Variants in FAM117A observed in about 807,000 individuals in gnomAD.
The protein encoded by FAM117A is protein FAM117A.
Under a neutral mutation model 44.1 loss-of-function variants are expected in FAM117A, and 21 were observed. The ratio of observed to expected loss-of-function variants is 0.48; its 90% CI spans 0.34 to 0.69. FAM117A has a LOEUF of 0.69. Ranked by LOEUF, FAM117A falls within the 30% of genes least tolerant of loss-of-function variation. The probability of loss-of-function intolerance (pLI) is 0.01; values close to 1 mark genes in which losing one functional copy is unlikely to be tolerated. For synonymous variants in FAM117A, 220 were observed against 238.3 expected (o/e 0.92, Z 0.71); for missense variants, 498 against 589.9 (o/e 0.84, Z 1.61).
chr17:49,732,230 A>G (rs1214681544), intron 2 of FAM117A: 1 of 200,608 alleles, frequency 5.0e-6, no homozygotes, highest in Non-Finnish European at 1.0e-5. Context: ...TTTCCATATA[A>G]GTTTACAAAG....
chr17:49,724,954 C>T (rs2073553300), intron 2 of FAM117A, among the ~76,000 whole-genome samples: 1 of 152,158 alleles, frequency 6.6e-6, no homozygotes, highest in African/African-American at 2.4e-5. Context: ...CGCTCAGCAA[C>T]GTCTTCCACC....
intron 1 of FAM117A, among the ~76,000 whole-genome samples, chr17:49,733,806 G>A (rs1021394712): frequency 6.6e-6 from 1 of 152,058 alleles, no homozygotes; most frequent in African/African-American, 2.4e-5. Context: ...AATCATCTAA[G>A]TTGACCCTGT....
intron 1 of FAM117A, among the ~76,000 whole-genome samples, chr17:49,736,414 G>A (rs1020146442): frequency 1.3e-5 from 2 of 151,866 alleles, no homozygotes; most frequent in Admixed American, 6.6e-5. Flanking sequence ...CCACCACCAT[G>A]CCCGGCTAAT....
intron 1 of FAM117A, among the ~76,000 whole-genome samples, chr17:49,782,689 C>CAAAAA (rs74562078): frequency 1.8e-5 from 1 of 56,176 alleles, no homozygotes; most frequent in Non-Finnish European, 4.3e-5. Flanking sequence ...GACTTTGTCT[C>CAAAAA]AAAAAAAAAA....
chr17:49,740,498 C>T (rs1244000525), intron 1 of FAM117A, among the ~76,000 whole-genome samples: 1 of 152,200 alleles, frequency 6.6e-6, no homozygotes, highest in African/African-American at 2.4e-5. Context: ...ATCCGCCCAC[C>T]TTGTCCTCCC....
chr17:49,721,028 T>C (rs975072474), intron 3 of FAM117A, among the ~76,000 whole-genome samples: 2 of 152,098 alleles, frequency 1.3e-5, no homozygotes, highest in Non-Finnish European at 2.9e-5. Context: ...CCTCTATAAA[T>C]AGCAATGGAA....
intron 1 of FAM117A, among the ~76,000 whole-genome samples, chr17:49,781,737 G>A (rs1186073786): frequency 1.3e-5 from 2 of 152,198 alleles, no homozygotes; most frequent in Non-Finnish European, 2.9e-5. Context: ...AGCATTTTGG[G>A]AGGCTGGGGC....
chr17:49,788,974 A>T (rs2073845591), upstream of FAM117A: 1 of 899,540 alleles, frequency 1.1e-6, no homozygotes. Flanking sequence ...TTGTTCAGCT[A>T]CCCTCTCTTC....
rs2073734084 is a variant in FAM117A at position 49,763,944 on chromosome 17, G to A, written c.144C>T (p.Ile48=). Residue 48 remains isoleucine, a synonymous_variant, in exon 1 of 8, where the codon ATC becomes ATT. Transcript: ENST00000240364. ...GGTGCGGCTGCTGCAGCTGGAAGGG[G>A]ATCGTGGCCCTGAGCGGCTGCAGCC... ...RAGLQPLRAT[I]PFQLQQPHQR... The A allele has an allele frequency of 8.1e-7, 1 of 1,237,084 alleles. No homozygotes were observed. Among genetic ancestry groups the A allele is most frequent in the East Asian group, 3.2e-5 (1 of 31,684 alleles). 76.6% of individuals were successfully genotyped at this position (1,237,084 alleles called of 1,614,324 possible). A position where few individuals can be genotyped will look rare whatever the true frequency, so the allele number is the denominator to read the frequency against.
intron 1 of FAM117A, among the ~76,000 whole-genome samples, chr17:49,779,336 G>A (rs759786486): frequency 1.3e-5 from 2 of 152,202 alleles, no homozygotes; most frequent in African/African-American, 2.4e-5. Context: ...CAGTCATGAC[G>A]GTCTAAGCTG....
At chr17:49,731,405 A>G (rs931879049) in intron 2 of FAM117A, among the ~76,000 whole-genome samples, 71 of 152,256 alleles carry the variant, frequency 4.7e-4, no homozygotes, top group Non-Finnish European at 5.9e-5. Flanking sequence ...GCTGCTAAGA[A>G]TGAAGTCCTG....
chr17:49,748,135 C>T (rs2073660861), intron 1 of FAM117A, among the ~76,000 whole-genome samples: 1 of 152,176 alleles, frequency 6.6e-6, no homozygotes, highest in Non-Finnish European at 1.5e-5. Flanking sequence ...ATATGATGGG[C>T]TTTAGATCTG....
chr17:49,771,112 C>G (rs1384034679), intron 1 of FAM117A, among the ~76,000 whole-genome samples: 1 of 152,060 alleles, frequency 6.6e-6, no homozygotes, highest in Non-Finnish European at 1.5e-5. Context: ...GGGGCTGAGG[C>G]AGAAGAATCG....
intron 1 of FAM117A, among the ~76,000 whole-genome samples, chr17:49,749,333 T>G (rs1001752983): frequency 6.6e-6 from 1 of 151,954 alleles, no homozygotes; most frequent in Non-Finnish European, 1.5e-5. Context: ...ATCCCAGCAC[T>G]TTGGGAGGCA....
chr17:49,758,778 A>G (rs554957200), intron 1 of FAM117A, among the ~76,000 whole-genome samples: 1 of 152,248 alleles, frequency 6.6e-6, no homozygotes, highest in South Asian at 2.1e-4. Flanking sequence ...TGTCAGTAAG[A>G]ACTCCATAAC....
intron 2 of FAM117A, chr17:49,724,512 G>A (rs1296337206): frequency 2.2e-6 from 1 of 456,148 alleles, no homozygotes; most frequent in African/African-American, 2.0e-5. Flanking sequence ...AGGATGGAAA[G>A]AGAAATGCAG....
In FAM117A at chr17:49,758,640, AATAAAT is replaced by A. The variant is rs2073709537; in HGVS notation, c.196+5246_196+5251del. On this transcript the variant is annotated intron_variant, in intron 1 of 7. Transcript: ENST00000240364. The stretch of plus-strand genomic sequence containing the variant: ...CTGTCTCAAAAAAAAAAAAAAATAA[AATAAAT>A]AAATAAATAAATAAATAAATAAATA... Among the ~76,000 whole-genome samples the A allele has an allele frequency of 1.4e-4, 6 of 43,278 alleles. No homozygotes were observed. The East Asian group carries it at 1.5e-3, about 11-fold the overall frequency. 28.4% of individuals were successfully genotyped at this position (43,278 alleles called of 152,430 possible).
chr17:49,715,818 C>CTA (rs2073499877), intron 7 of FAM117A, among the ~76,000 whole-genome samples: 1 of 152,130 alleles, frequency 6.6e-6, no homozygotes, highest in Admixed American at 6.6e-5. Flanking sequence ...CTCTCGCTCT[C>CTA]GCTCTCTCTC....
At chr17:49,753,586 C>G (rs1240604898) in intron 1 of FAM117A, among the ~76,000 whole-genome samples, 1 of 152,146 alleles carries the variant, frequency 6.6e-6, no homozygotes. Context: ...GAGGCTGGGG[C>G]GGTTGGACCA....
Sources: allele counts gnomAD v4.1 joint callset (sites outside exome capture counted in the v4.1 genomes callset), GRCh38; gene constraint gnomAD v4.1.1; transcripts MANE v1.5; gene names NCBI Gene and HGNC (gene_info 2026-07-23, HGNC 2026-07-21).